Variants in SPTBN5 observed in about 807,000 individuals in gnomAD.
SPTBN5 encodes the protein spectrin beta chain, non-erythrocytic 5.
In SPTBN5, 513 loss-of-function variants were observed where a neutral mutation model predicts 477.6. The observed-to-expected ratio is 1.07, with a 90% confidence interval of 1.00 to 1.16. The LOEUF (loss-of-function observed/expected upper bound fraction) is 1.16. Among genes scored for constraint, SPTBN5 ranks in the 50% most tolerant of loss-of-function variants. SPTBN5 has a pLI of 0.00. For missense variants in SPTBN5, 5,062 were observed against 4,731.8 expected (o/e 1.07, Z -2.05); for synonymous variants, 2,169 against 2,011.7 (o/e 1.08, Z -2.09).
Position 41,848,616 on chromosome 15 carries a change from T to A in SPTBN5, c.11025A>T (p.Ter3675CysextTer18). 11 of 1,613,914 alleles carry A rather than the reference T, an allele frequency of 6.8e-6. No individual in the cohort carries two copies. Among genetic ancestry groups the A allele is most frequent in the Non-Finnish European group, 9.3e-6 (11 of 1,179,824 alleles). Residue 3675 changes from the stop codon to cysteine, a stop_lost, in exon 68 of 68, where the codon TGA becomes TGT. Coordinates refer to ENST00000320955, the MANE Select transcript of SPTBN5 (RefSeq NM_016642.4). Reference sequence around the variant, plus strand: ...GTTTGGTGTTGCACTGGGGTTCACCTCAGGGATCAGACCTGTTGGGAAAAC... The same window carrying A: ...GTTTGGTGTTGCACTGGGGTTCACCACAGGGATCAGACCTGTTGGGAAAAC... ...RPGCLLRSDP[*>C]
intron 19 of SPTBN5, 58 bp downstream of exon 19, chr15:41,876,751 G>A (rs1158529703): frequency 8.8e-6 from 14 of 1,599,916 alleles, no homozygotes; most frequent in African/African-American, 5.4e-5. Flanking sequence ...TAGGGCGGCC[G>A]TCTGTGCAGG....
At chr15:41,875,660 C>T (rs2066700048) in intron 21 of SPTBN5, 38 bp from the exon 22 acceptor site, 1 of 1,538,556 alleles carries the variant, frequency 6.5e-7, no homozygotes. Context: ...TTTGGCTGAG[C>T]TGCTGGTACC....
chr15:41,882,699 G>A lies in SPTBN5; in HGVS notation c.1932C>T (p.Phe644=). The change falls in exon 10 of 68, where the codon TTC becomes TTT. Residue 644 remains phenylalanine (F), a synonymous_variant. Coordinates refer to ENST00000320955, the MANE Select transcript of SPTBN5 (RefSeq NM_016642.4). ...LLEQTLQRAE[F]LRNCEEEEAW... The stretch of plus-strand genomic sequence containing the variant: ...CTTCCTCCTCCTCACAGTTGCGCAG[G>A]AACTCTGCCCGCTGCAGGGTCTGCT... The A allele has an allele frequency of 6.2e-7, 1 of 1,609,792 alleles. No individual in the cohort carries two copies. The highest frequency in any genetic ancestry group is 8.5e-7 in the Non-Finnish European group (1 of 1,178,426).
At position 41,850,333 on chromosome 15, in the gene SPTBN5, G is replaced by A. The variant is rs77782516; in HGVS notation, c.10922-374C>T. On this transcript the variant is annotated intron_variant, in intron 66 of 67. Coordinates refer to ENST00000320955, the MANE Select transcript of SPTBN5 (RefSeq NM_016642.4). The stretch of plus-strand genomic sequence containing the variant: ...TCCCAGACACATTCCCTGAACACAC[G>A]GTCCACACGGAGCCTCAGCAGAGCA... 8.1e-4 allele frequency: 225 copies of A among 279,392 alleles called. 1 individual carries two copies. The highest frequency in any genetic ancestry group is 4.6e-3 in the East Asian group (60 of 13,092). The allele number at this position is 279,392 out of a possible 1,614,324, so 17.3% of individuals were successfully genotyped here.
chr15:41,855,404 C>A lies in SPTBN5; in HGVS notation c.9243G>T (p.Gln3081His). 1.2e-6 allele frequency: 2 copies of A among 1,604,216 alleles called. No individual in the cohort carries two copies. Among genetic ancestry groups the A allele is most frequent in the Non-Finnish European group, 1.7e-6 (2 of 1,178,618 alleles). Reference protein sequence around the residue: ...PESPKVLAQLQAVREAHAELL... With the variant: ...PESPKVLAQLHAVREAHAELL... ...GCTCTGCGTGGGCCTCCCGAACTGC[C>A]TGCAGCTGGGCTAGCACCTTGGGGC... The change falls in exon 55 of 68, where the codon CAG becomes CAT. Residue 3081 changes from glutamine to histidine, a missense_variant. Transcript: ENST00000320955.
chr15:41,876,266 C>A lies in SPTBN5; in HGVS notation c.3970G>T (p.Ala1324Ser). Residue 1324 changes from alanine to serine, a missense_variant, in exon 21 of 68, where the codon GCA becomes TCA. Physicochemically the swap from Ala to Ser is moderately conservative, Grantham distance 99. Coordinates refer to ENST00000320955, the MANE Select transcript of SPTBN5 (RefSeq NM_016642.4). ...LQLQEWKQDV[A>S]ELMQWMEEKG... ...TCTTCCATCCACTGCATCAGCTCTGCCACATCCTGCTTCCACTCCTGCCAA... is the reference window on the plus strand; with the variant it reads ...TCTTCCATCCACTGCATCAGCTCTGACACATCCTGCTTCCACTCCTGCCAA... The A allele has an allele frequency of 6.3e-7, 1 of 1,576,800 alleles. No individual in the cohort carries two copies. Among genetic ancestry groups the A allele is most frequent in the Non-Finnish European group, 8.6e-7 (1 of 1,161,156 alleles).
chr15:41,851,496 G>T, intron 63 of SPTBN5, 127 bp from the exon 64 acceptor site: 1 of 694,152 alleles, frequency 1.4e-6, no homozygotes, highest in Non-Finnish European at 2.4e-6. Context: ...AGTCCCAATG[G>T]GGAAAGGGAA....
Position 41,878,343 on chromosome 15 carries a change from T to A in SPTBN5, c.3469A>T (p.Arg1157Trp). The change falls in exon 17 of 68, where the codon AGG becomes TGG. Residue 1157 changes from arginine (R) to tryptophan (W), a missense_variant and splice_region_variant. Physicochemically the swap from Arg to Trp is moderately radical, Grantham distance 101. Transcript: ENST00000320955. The part of the protein sequence containing the change: ...LLEEIHLWQE[R>W]LQQLDAQSQP... ...CCCCTTCTGCCCTCCTGTCCTGACCTCTCCTGCCACAGGTGGATCTCCTCC... is the reference window on the plus strand; with the variant it reads ...CCCCTTCTGCCCTCCTGTCCTGACCACTCCTGCCACAGGTGGATCTCCTCC... 6.2e-7 allele frequency: 1 copy of A among 1,613,346 alleles called. No homozygotes were observed. The highest frequency in any genetic ancestry group is 8.5e-7 in the Non-Finnish European group (1 of 1,179,718).
intron 4 of SPTBN5, among the ~76,000 whole-genome samples, 182 bp downstream of exon 4, chr15:41,889,907 A>G (rs1362861318): frequency 9.2e-5 from 14 of 152,194 alleles, no homozygotes; most frequent in African/African-American, 3.4e-4. Flanking sequence ...ACAATGTTAC[A>G]ATATCTCTGG....
Position 41,887,378 on chromosome 15 carries a change from A to G in SPTBN5, c.723T>C (p.Ala241=). The G allele has an allele frequency of 6.4e-7, 1 of 1,554,102 alleles. No individual in the cohort carries two copies. Among genetic ancestry groups the G allele is most frequent in the Non-Finnish European group, 8.7e-7 (1 of 1,148,774 alleles). Reference sequence around the variant, plus strand: ...CCAGCTCCTGCTCAGCCACCAGGAAAGCAAAAGCAAGGTTGTGCAGTGGGC... The same window carrying G: ...CCAGCTCCTGCTCAGCCACCAGGAAGGCAAAAGCAAGGTTGTGCAGTGGGC... The part of the protein sequence containing the change: ...PDRPLHNLAF[A]FLVAEQELGI... The change falls in exon 6 of 68, where the codon GCT becomes GCC. Residue 241 remains alanine (A), a synonymous_variant. Coordinates refer to ENST00000320955, the MANE Select transcript of SPTBN5 (RefSeq NM_016642.4).
chr15:41,855,395 C>A lies in SPTBN5; in HGVS notation c.9252G>T (p.Arg3084=). The A allele has an allele frequency of 1.2e-6, 2 of 1,604,224 alleles. No individual in the cohort carries two copies. Among genetic ancestry groups the A allele is most frequent in the Non-Finnish European group, 1.7e-6 (2 of 1,178,944 alleles). The part of the protein sequence containing the change: ...PKVLAQLQAV[R]EAHAELLRRA... ...TCCGCAGCAGCTCTGCGTGGGCCTC[C>A]CGAACTGCCTGCAGCTGGGCTAGCA... Residue 3084 remains arginine (R), a synonymous_variant, in exon 55 of 68, where the codon CGG becomes CGT. Coordinates refer to ENST00000320955, the MANE Select transcript of SPTBN5 (RefSeq NM_016642.4).
intron 46 of SPTBN5, 33 bp downstream of exon 46, chr15:41,861,385 TC>T (rs762677206): frequency 3.2e-5 from 51 of 1,577,928 alleles, no homozygotes; most frequent in Admixed American, 1.3e-4. Flanking sequence ...CTCTGGTAAT[TC>T]CCCCCTCCTG....
chr15:41,849,832 G>A, intron 67 of SPTBN5, 37 bp downstream of exon 67: 1 of 1,520,442 alleles, frequency 6.6e-7, no homozygotes, highest in African/African-American at 1.4e-5. Context: ...TGAAGCCCAG[G>A]GCTCCCCGCC....
At position 41,862,273 on chromosome 15, in the gene SPTBN5, A is replaced by C; in HGVS notation, c.7405T>G (p.Leu2469Val). Residue 2469 changes from leucine to valine, a missense_variant, in exon 44 of 68, where the codon TTG becomes GTG. Transcript: ENST00000320955. ...GCCTGGAGTTTCTGAGCTTGGTGCA[A>C]GGCATCCAGCGCCTCCCTCCTGCCC... is the stretch of plus-strand genomic sequence containing the variant. ...AQKRREALDA[L>V]HQAQKLQAML... 1 of 1,606,616 alleles carries C rather than the reference A, an allele frequency of 6.2e-7. No homozygotes were observed. Among genetic ancestry groups the C allele is most frequent in the African/African-American group, 1.3e-5 (1 of 74,912 alleles).
chr15:41,876,134 G>A lies in SPTBN5; in HGVS notation c.4102C>T (p.His1368Tyr). Reference sequence around the variant, plus strand: ...CCCACCTGCTGCAGGGCCTCCACGTGTCTGCGGGTGGCGAGTAGCTCGCTC... The same window carrying A: ...CCCACCTGCTGCAGGGCCTCCACGTATCTGCGGGTGGCGAGTAGCTCGCTC... ...AESELLATRR[H>Y]VEALQQVGRE... The change falls in exon 21 of 68, where the codon CAC becomes TAC. Residue 1368 changes from histidine (H) to tyrosine (Y), a missense_variant. His to Tyr is a moderately conservative substitution (Grantham distance 83, BLOSUM62 2). Coordinates refer to ENST00000320955, the MANE Select transcript of SPTBN5 (RefSeq NM_016642.4). 6.2e-7 allele frequency: 1 copy of A among 1,602,518 alleles called. No individual in the cohort carries two copies. Among genetic ancestry groups the A allele is most frequent in the Non-Finnish European group, 8.5e-7 (1 of 1,179,030 alleles).
At chr15:41,851,397 T>G in intron 63 of SPTBN5, 28 bp from the exon 64 acceptor site, 1 of 1,523,204 alleles carries the variant, frequency 6.6e-7, no homozygotes, top group Non-Finnish European at 8.9e-7. Context: ...GAAGGTCGCA[T>G]GAGCCACACG....
intron 14 of SPTBN5, 101 bp downstream of exon 14, chr15:41,880,059 C>T: frequency 6.9e-7 from 1 of 1,454,896 alleles, no homozygotes. Context: ...TCCCCTCCCC[C>T]AGGCAGGACG....
Position 41,876,223 on chromosome 15 carries a change from G to A in SPTBN5, c.4013C>T (p.Ala1338Val), listed in dbSNP as rs751407986. 2.9e-5 allele frequency: 46 copies of A among 1,602,858 alleles called. No homozygotes were observed. The highest frequency in any genetic ancestry group is 3.6e-5 in the Non-Finnish European group (43 of 1,178,622). The change falls in exon 21 of 68, where the codon GCG (alanine) becomes GTG (valine). Residue 1338 changes from alanine to valine, a missense_variant. Physicochemically the swap from Ala to Val is moderately conservative, Grantham distance 64 (BLOSUM62 0). Coordinates refer to ENST00000320955, the MANE Select transcript of SPTBN5 (RefSeq NM_016642.4). ...QWMEEKGLMA[A>V]HEPSGARRNI... ...TCTGCGCGCTCCGGAGGGCTCATGC[G>A]CAGCCATCAGCCCCTTCTCTTCCAT...
Position 41,873,524 on chromosome 15 carries a change from C to T in SPTBN5, c.4975G>A (p.Ala1659Thr), listed in dbSNP as rs1010989392. 1.3e-6 allele frequency: 2 copies of T among 1,551,748 alleles called. No homozygotes were observed. The highest frequency in any genetic ancestry group is 3.9e-5 in the Admixed American group (2 of 51,020). ...TTGTTAATGAGCCTGAGGGTGGCTG[C>T]CTCGTCTCTGCCATAGTCCCGACTG... ...VSSRDYGRDEAATLRLINKHQ... is the reference protein window; with the variant it reads ...VSSRDYGRDETATLRLINKHQ... Residue 1659 changes from alanine (A) to threonine (T), a missense_variant, in exon 26 of 68, where the codon GCA becomes ACA. Coordinates refer to ENST00000320955, the MANE Select transcript of SPTBN5 (RefSeq NM_016642.4).
Sources: gnomAD v4.1 joint callset for allele counts (sites outside exome capture counted in the v4.1 genomes callset) on GRCh38, gnomAD v4.1.1 for gene constraint, MANE v1.5 for transcripts, NCBI Gene and HGNC (gene_info 2026-07-23, HGNC 2026-07-21) for gene names.